The following CASZ1 variants were observed in gnomAD, a reference collection of about 807,000 sequenced individuals.
The protein encoded by CASZ1 is castor zinc finger 1, also known as zinc finger protein castor homolog 1.
In CASZ1, 28 loss-of-function variants were observed where a neutral mutation model predicts 135.2. That is an observed-to-expected ratio of 0.21 (90% CI 0.15 to 0.28). The LOEUF (loss-of-function observed/expected upper bound fraction) is 0.28, where lower values mean the gene tolerates loss of function less well. Among genes scored for constraint, CASZ1 ranks in the 10% least tolerant of loss-of-function variants. The pLI is 1.00. For missense variants in CASZ1, 2,161 were observed against 2,453.3 expected, an observed-to-expected ratio of 0.88 and a Z score of 2.52; for synonymous variants, 1,068 against 1,073.4, an observed-to-expected ratio of 0.99 and a Z score of 0.10.
chr1:10,651,252 A>G (rs1428335259), intron 11 of CASZ1, 176 bp from the exon 12 acceptor site: 1 of 310,836 alleles, frequency 3.2e-6, no homozygotes, highest in Non-Finnish European at 5.7e-6. Context: ...GCAATTCTTC[A>G]AGTGATAATT....
chr1:10,663,569 C>T (rs1643124114), intron 5 of CASZ1, among the ~76,000 whole-genome samples: 1 of 152,206 alleles, frequency 6.6e-6, no homozygotes, highest in Admixed American at 6.5e-5. Flanking sequence ...GGCAGCTGAG[C>T]CCTCGCTATA....
intron 5 of CASZ1, among the ~76,000 whole-genome samples, chr1:10,663,472 G>T (rs1557483724): frequency 6.6e-6 from 1 of 152,260 alleles, no homozygotes; most frequent in Non-Finnish European, 1.5e-5. Context: ...GCTACACAGG[G>T]TTGGGGGGCC....
chr1:10,728,176 C>T (rs574465873), intron 2 of CASZ1, among the ~76,000 whole-genome samples: 1 of 152,346 alleles, frequency 6.6e-6, no homozygotes, highest in East Asian at 1.9e-4. Flanking sequence ...CACGGGAGGA[C>T]TCAGACACCC....
At position 10,656,626 on chromosome 1, in the gene CASZ1, C is replaced by A; in HGVS notation, c.1500+20G>T. On this transcript the variant is annotated intron_variant, in intron 8 of 20. Coordinates refer to ENST00000377022, the MANE Select transcript of CASZ1 (RefSeq NM_001079843.3). The stretch of plus-strand genomic sequence containing the variant: ...TGTGCTGGTGGCGGAGAGGCGGAGC[C>A]CATCTGGCTGTGGCCGTACCTGGTA... 6.4e-7 allele frequency: 1 copy of A among 1,565,360 alleles called. No homozygotes were observed.
At chr1:10,796,259 C>T (rs896698405) in intron 1 of CASZ1, among the ~76,000 whole-genome samples, 10 of 152,122 alleles carry the variant, frequency 6.6e-5, no homozygotes, top group South Asian at 2.1e-4. Flanking sequence ...GCAGCCCTCC[C>T]CTCCCCCGGA....
chr1:10,663,480 G>A (rs190871231), intron 5 of CASZ1, among the ~76,000 whole-genome samples: 44 of 152,358 alleles, frequency 2.9e-4, no homozygotes, highest in Middle Eastern at 6.8e-3. Context: ...GGGTTGGGGG[G>A]CCCAGCTAGG....
At chr1:10,712,197 G>C (rs903377034) in intron 2 of CASZ1, among the ~76,000 whole-genome samples, 8 of 151,626 alleles carry the variant, frequency 5.3e-5, no homozygotes, top group Admixed American at 1.3e-4. Flanking sequence ...AATACAAAAA[G>C]TAGCCGGGCA....
rs79331519 is a variant in CASZ1, at chr1:10,747,633, C to T, written c.-77+13068G>A. Among the ~76,000 whole-genome samples the T allele has an allele frequency of 1.3e-5, 2 of 152,218 alleles. No individual in the cohort carries two copies. The highest frequency in any genetic ancestry group is 4.8e-5 in the African/African-American group (2 of 41,528). ...TGTGCAAGAAACGGGAAAGAACCTGCCTTGTGACATCAAAGGCTGACATCA... is the reference window on the plus strand; with the variant it reads ...TGTGCAAGAAACGGGAAAGAACCTGTCTTGTGACATCAAAGGCTGACATCA... On this transcript the variant is annotated intron_variant, in intron 2 of 20. Transcript: ENST00000377022. The surrounding 1 kb of genome is among the most constrained non-coding windows in gnomAD (Gnocchi z 4.3).
At chr1:10,674,008 C>G (rs1448260458) in intron 4 of CASZ1, among the ~76,000 whole-genome samples, 1 of 152,234 alleles carries the variant, frequency 6.6e-6, no homozygotes, top group Non-Finnish European at 1.5e-5. Flanking sequence ...AGCAGAAGCT[C>G]AGCTATGCAG....
rs569112809 is a variant in CASZ1, at chr1:10,754,457, G to A, written c.-77+6244C>T. Among the ~76,000 whole-genome samples, 3 of 152,262 alleles carry A rather than the reference G, an allele frequency of 2.0e-5. No homozygotes were observed. In the South Asian group the frequency reaches 6.2e-4, roughly 32 times the overall value. On this transcript the variant is annotated intron_variant, in intron 2 of 20. Coordinates refer to ENST00000377022, the MANE Select transcript of CASZ1 (RefSeq NM_001079843.3). ...CAGGACTTGGACCACCACCTCTTCC[G>A]GCTCTGAACCCCTGAGGCTGAGCCC...
In CASZ1 at chr1:10,709,817, A is replaced by C. The variant is rs1326888276; in HGVS notation, c.-76-4273T>G. Among the ~76,000 whole-genome samples the C allele has an allele frequency of 2.0e-5, 3 of 152,186 alleles. No individual in the cohort carries two copies. Among genetic ancestry groups the C allele is most frequent in the Non-Finnish European group, 4.4e-5 (3 of 68,040 alleles). ...ACGGAAAGGTCAGAGGAAGCCCGGA[A>C]CTTTTACACAGCAGTTAGCAGGACA... On this transcript the variant is annotated intron_variant, in intron 2 of 20. Coordinates refer to ENST00000377022, the MANE Select transcript of CASZ1 (RefSeq NM_001079843.3). The surrounding 1 kb of genome is among the most constrained non-coding windows in gnomAD (Gnocchi z 5.1).
Position 10,706,594 on chromosome 1 carries a change from G to T in CASZ1, c.-76-1050C>A, listed in dbSNP as rs996774649. Among the ~76,000 whole-genome samples, 4 of 152,196 alleles carry T rather than the reference G, an allele frequency of 2.6e-5. No individual in the cohort carries two copies. The highest frequency in any genetic ancestry group is 4.4e-5 in the Non-Finnish European group (3 of 68,022). ...TCCCGGAATGCCACCCAGTCCCACC[G>T]CCCGCTCTCCGGTTCCCAGGACATA... On this transcript the variant is annotated intron_variant, in intron 2 of 20. Transcript: ENST00000377022. This position sits in a 1 kb window ranked among gnomAD's most constrained non-coding sequence, Gnocchi z 4.3.
Position 10,741,189 on chromosome 1 carries a change from G to A in CASZ1, c.-77+19512C>T, listed in dbSNP as rs543158394. ...GCAGAGACGGGGTTTCACCATGTTG[G>A]TCAGGCTGGTCTCCAACTCCTGACC... On this transcript the variant is annotated intron_variant, in intron 2 of 20. Coordinates refer to ENST00000377022, the MANE Select transcript of CASZ1 (RefSeq NM_001079843.3). This position sits in a 1 kb window ranked among gnomAD's most constrained non-coding sequence, Gnocchi z 5.0. Among the ~76,000 whole-genome samples the A allele has an allele frequency of 5.9e-5, 9 of 152,220 alleles. No individual in the cohort carries two copies. The highest frequency in any genetic ancestry group is 1.9e-4 in the African/African-American group (8 of 41,532).
intron 5 of CASZ1, among the ~76,000 whole-genome samples, chr1:10,662,828 G>A (rs576073913): frequency 6.6e-6 from 1 of 152,136 alleles, no homozygotes; most frequent in Non-Finnish European, 1.5e-5. Flanking sequence ...CAGACATACA[G>A]GTACACAACC....
chr1:10,685,264 T>C (rs1033915588), intron 4 of CASZ1, among the ~76,000 whole-genome samples: 1 of 152,118 alleles, frequency 6.6e-6, no homozygotes, highest in African/African-American at 2.4e-5. Context: ...TGGGGAGAAC[T>C]GGGAGGGAAG....
At chr1:10,705,984 C>G (rs1222919676) in intron 2 of CASZ1, among the ~76,000 whole-genome samples, 1 of 152,244 alleles carries the variant, frequency 6.6e-6, no homozygotes, top group African/African-American at 2.4e-5. Context: ...TTACTCTCTT[C>G]CCCGGGGCCC....
rs1465016876 is a variant in CASZ1 at position 10,724,044 on chromosome 1, C to G, written c.-76-18500G>C. ...TATCACTTTGGATTCCTGGTGAGGA[C>G]AAGTCCAGTTTTCCAAACCGACCTT... On this transcript the variant is annotated intron_variant, in intron 2 of 20. Transcript: ENST00000377022. The surrounding 1 kb of genome is among the most constrained non-coding windows in gnomAD (Gnocchi z 4.1). Among the ~76,000 whole-genome samples the G allele has an allele frequency of 6.6e-6, 1 of 152,218 alleles. No individual in the cohort carries two copies. The highest frequency in any genetic ancestry group is 1.5e-5 in the Non-Finnish European group (1 of 68,044).
chr1:10,669,369 G>A (rs960091992), intron 4 of CASZ1, among the ~76,000 whole-genome samples: 2 of 152,246 alleles, frequency 1.3e-5, no homozygotes, highest in Admixed American at 6.5e-5. Flanking sequence ...CCCATAACAC[G>A]GAGCCCCTTA....
rs142540941 is a variant in CASZ1, at chr1:10,714,798, C to T, written c.-76-9254G>A. Reference sequence around the variant, plus strand: ...TCCATTTATTCCTCCTGTCTGTCTCCAGGCCTCGGCCTTTCTGCAGTTTCC... The same window carrying T: ...TCCATTTATTCCTCCTGTCTGTCTCTAGGCCTCGGCCTTTCTGCAGTTTCC... On this transcript the variant is annotated intron_variant, in intron 2 of 20. Coordinates refer to ENST00000377022, the MANE Select transcript of CASZ1 (RefSeq NM_001079843.3). Among the ~76,000 whole-genome samples the T allele has an allele frequency of 2.4e-3, 363 of 152,326 alleles. 1 individual carries two copies. The highest frequency in any genetic ancestry group is 4.4e-3 in the Non-Finnish European group (299 of 68,018).
Sources: gnomAD v4.1 joint callset for allele counts (sites outside exome capture counted in the v4.1 genomes callset) on GRCh38, gnomAD v4.1.1 for gene constraint, Gnocchi (gnomAD v3.1) non-coding constraint, MANE v1.5 for transcripts, NCBI Gene and HGNC (gene_info 2026-07-23, HGNC 2026-07-21) for gene names.